F13A1: variants seen among roughly 807,000 people sequenced by gnomAD.
F13A1 encodes coagulation factor XIII A chain.
In F13A1, 47 loss-of-function variants were observed where a neutral mutation model predicts 80.1. That is an observed-to-expected ratio of 0.59 (90% CI 0.46 to 0.75). The LOEUF is 0.75. F13A1 is among the 30% of genes least tolerant of loss of function. The pLI is 0.00. For synonymous variants in F13A1, 349 were observed against 344.9 expected (o/e 1.01, Z -0.13); for missense variants, 817 against 930.4 (o/e 0.88, Z 1.59).
chr6:6,220,534 A>G lies in F13A1; in HGVS notation c.1112+1499T>C, dbSNP rs141259066. Among the ~76,000 whole-genome samples the G allele has an allele frequency of 2.9e-4, 44 of 150,246 alleles. No individual in the cohort carries two copies. The East Asian group carries it at 5.6e-3, about 19-fold the overall frequency. ...AGATAACTTTGAACTGCACTTAGCT[A>G]CAAAGGCTGTGTGTGTGTGTCTGTG... is the stretch of plus-strand genomic sequence containing the variant. On this transcript the variant is annotated intron_variant, in intron 8 of 14. Transcript: ENST00000264870.
rs547044202 is a variant in F13A1 at position 6,155,887 on chromosome 6, T to C, written c.1909-3938A>G. 3.5e-4 allele frequency among the ~76,000 whole-genome samples: 54 copies of C among 152,372 alleles called. No homozygotes were observed. In the South Asian group the frequency reaches 7.9e-3, roughly 22 times the overall value. On this transcript the variant is annotated intron_variant, in intron 13 of 14. Transcript: ENST00000264870. ...TTTTCCTTATTGCTGAAAGCATAAT[T>C]CCATATCTGCATAGTCATATTTTCA...
At chr6:6,165,147 C>T (rs1760644479) in intron 13 of F13A1, among the ~76,000 whole-genome samples, 1 of 152,200 alleles carries the variant, frequency 6.6e-6, no homozygotes. Flanking sequence ...CTCATGCTCT[C>T]TTCCCTATCA....
At chr6:6,212,304 G>T (rs1409798127) in intron 8 of F13A1, among the ~76,000 whole-genome samples, 1 of 152,160 alleles carries the variant, frequency 6.6e-6, no homozygotes, top group Non-Finnish European at 1.5e-5. Flanking sequence ...AGAGAGCAGT[G>T]GTTCTCCCAG....
rs3024369 is a variant in F13A1, at chr6:6,250,742, T to C, written c.690+69A>G. On this transcript the variant is annotated intron_variant, in intron 5 of 14. Transcript: ENST00000264870. The surrounding 1 kb of genome is among the most constrained non-coding windows in gnomAD (Gnocchi z 4.2). ...TCTAATATCGATATATGGGATCCTG[T>C]AGGGATACATGTGACAAAAAATATG... 13,475 of 1,009,470 alleles carry C rather than the reference T, an allele frequency of 0.013. 562 individuals carry two copies. Among genetic ancestry groups the C allele is most frequent in the East Asian group, 0.13 (5,562 of 41,946 alleles). The allele number at this position is 1,009,470 out of a possible 1,614,324, so 62.5% of individuals were successfully genotyped here.
intron 6 of F13A1, among the ~76,000 whole-genome samples, chr6:6,244,856 C>T (rs1401850394): frequency 6.6e-6 from 1 of 152,152 alleles, no homozygotes; most frequent in East Asian, 1.9e-4. Context: ...CCATATGATG[C>T]TGCCTTCACT....
chr6:6,154,172 A>G (rs1188332899), intron 13 of F13A1, among the ~76,000 whole-genome samples: 1 of 151,322 alleles, frequency 6.6e-6, no homozygotes, highest in East Asian at 1.9e-4. Context: ...CGGCAGTCAG[A>G]AAGTAAGGGA....
chr6:6,144,342 G>A lies in F13A1; in HGVS notation c.*1277C>T, dbSNP rs1175114421. 6.6e-6 allele frequency: 1 copy of A among 152,140 alleles called. No individual in the cohort carries two copies. Among genetic ancestry groups the A allele is most frequent in the Admixed American group, 6.5e-5 (1 of 15,272 alleles). The allele number at this position is 152,140 out of a possible 1,614,324, so 9.4% of individuals were successfully genotyped here. A position where few individuals can be genotyped will look rare whatever the true frequency, so the allele number is the denominator to read the frequency against. On this transcript the variant is annotated 3_prime_UTR_variant, in exon 15 of 15. Coordinates refer to ENST00000264870, the MANE Select transcript of F13A1 (RefSeq NM_000129.4). ...TAGAAATGTGGTTATATAGACCAGA[G>A]CATTCCATTCTGATTTTGCCCCCAG...
At chr6:6,155,510 A>G (rs1425686235) in intron 13 of F13A1, among the ~76,000 whole-genome samples, 2 of 152,036 alleles carry the variant, frequency 1.3e-5, no homozygotes, top group Non-Finnish European at 2.9e-5. Flanking sequence ...TTTCTTTTGC[A>G]ATTAACAAAG....
intron 3 of F13A1, among the ~76,000 whole-genome samples, chr6:6,282,337 C>A (rs753829668): frequency 6.6e-6 from 1 of 152,238 alleles, no homozygotes; most frequent in Non-Finnish European, 1.5e-5. Context: ...TTGGAACAGT[C>A]CAACTGGCAA....
intron 8 of F13A1, chr6:6,206,384 A>G: frequency 4.5e-6 from 2 of 442,760 alleles, no homozygotes; most frequent in South Asian, 1.6e-5. Context: ...ATGATTAACC[A>G]GAACATGATT....
At chr6:6,207,227 C>T (rs928641499) in intron 8 of F13A1, among the ~76,000 whole-genome samples, 36 of 152,048 alleles carry the variant, frequency 2.4e-4, no homozygotes, top group African/African-American at 8.7e-4. Flanking sequence ...GCCTAGAAAC[C>T]AATGAAGGAG....
intron 6 of F13A1, among the ~76,000 whole-genome samples, chr6:6,230,089 C>T (rs925806721): frequency 9.9e-5 from 15 of 152,276 alleles, no homozygotes; most frequent in Non-Finnish European, 1.5e-4. Context: ...GGTGAGAAGC[C>T]TCCTGGCCAA....
chr6:6,282,077 G>A (rs931255090), intron 3 of F13A1, among the ~76,000 whole-genome samples: 1 of 151,752 alleles, frequency 6.6e-6, no homozygotes, highest in Non-Finnish European at 1.5e-5. Context: ...GAGGTGAAAA[G>A]AATGGTAAGT....
chr6:6,312,487 T>C (rs568098948), intron 2 of F13A1, among the ~76,000 whole-genome samples: 11,893 of 38,228 alleles, frequency 0.31, 1,988 homozygotes, highest in East Asian at 0.46. Context: ...TTGGCCAATA[T>C]GGTGAAACCC....
chr6:6,250,889 C>G lies in F13A1; in HGVS notation c.612G>C (p.Glu204Asp), dbSNP rs1392183948. 2.5e-6 allele frequency: 4 copies of G among 1,613,102 alleles called. No homozygotes were observed. Among genetic ancestry groups the G allele is most frequent in the South Asian group, 2.2e-5 (2 of 91,064 alleles). The change falls in exon 5 of 15, where the codon GAG becomes GAC. Residue 204 changes from glutamate (E) to aspartate (D), a missense_variant. Glu to Asp is a conservative substitution (Grantham distance 45). Coordinates refer to ENST00000264870, the MANE Select transcript of F13A1 (RefSeq NM_000129.4). The surrounding 1 kb of genome is among the most constrained non-coding windows in gnomAD (Gnocchi z 4.2). ...VYLDNEKERE[E>D]YVLNDIGVIF... ...TTACCCCGATGTCATTCAGGACATA[C>G]TCTTCTCTTTCTTTCTCATTGTCCA...
At chr6:6,308,128 C>T (rs766807024) in intron 2 of F13A1, among the ~76,000 whole-genome samples, 3 of 152,118 alleles carry the variant, frequency 2.0e-5, no homozygotes, top group Non-Finnish European at 2.9e-5. Context: ...ATCCTCCCCA[C>T]CTCATCCTCC....
chr6:6,170,158 G>A (rs573892748), intron 12 of F13A1, among the ~76,000 whole-genome samples: 41 of 152,304 alleles, frequency 2.7e-4, no homozygotes, highest in Non-Finnish European at 3.5e-4. Context: ...GGAAGGCCTC[G>A]AAGAAGATGC....
intron 13 of F13A1, among the ~76,000 whole-genome samples, chr6:6,160,183 A>T (rs1418206444): frequency 4.0e-5 from 6 of 151,046 alleles, no homozygotes; most frequent in African/African-American, 1.5e-4. Flanking sequence ...AGACTGAGGT[A>T]GGATAATTGC....
intron 7 of F13A1, among the ~76,000 whole-genome samples, chr6:6,222,800 CT>C (rs1187903034): frequency 5.3e-5 from 8 of 152,222 alleles, no homozygotes; most frequent in Non-Finnish European, 1.2e-4. Flanking sequence ...CTTGGCTTGC[CT>C]TTTTATTTTC....
Sources: gnomAD v4.1 joint callset for allele counts (sites outside exome capture counted in the v4.1 genomes callset) on GRCh38, gnomAD v4.1.1 for gene constraint, Gnocchi (gnomAD v3.1) non-coding constraint, MANE v1.5 for transcripts, NCBI Gene and HGNC (gene_info 2026-07-23, HGNC 2026-07-21) for gene names.